The following FBXO4 variants were observed in gnomAD, a reference collection of about 807,000 sequenced individuals.
FBXO4 encodes the protein F-box only protein 4.
Under a neutral mutation model 43.7 loss-of-function variants are expected in FBXO4, and 36 were observed. The observed-to-expected ratio is 0.82, with a 90% CI of 0.63 to 1.09. FBXO4 has a LOEUF of 1.09. Among genes scored for constraint, FBXO4 ranks in the 50% least tolerant of loss-of-function variants. The pLI is 0.00. For missense variants in FBXO4, 435 were observed against 474.1 expected (o/e 0.92, Z 0.77); for synonymous variants, 180 against 165.6 (o/e 1.09, Z -0.67).
At chr5:41,942,886 CAA>C (rs770844982), downstream of FBXO4, among the ~76,000 whole-genome samples, 1 of 151,990 alleles carries the variant, frequency 6.6e-6, no homozygotes, top group Non-Finnish European at 1.5e-5. Context: ...TTATGGGTAA[CAA>C]AAGAGATTTT....
At chr5:41,944,486 A>G (rs1752048141), downstream of FBXO4, among the ~76,000 whole-genome samples, 2 of 152,204 alleles carry the variant, frequency 1.3e-5, no homozygotes, top group Admixed American at 6.5e-5. Flanking sequence ...GACACAGGAA[A>G]ACTTAGTGTT....
At chr5:42,035,976 CTA>C in the FBXO4 span, among the ~76,000 whole-genome samples, 1 of 152,066 alleles carries the variant, frequency 6.6e-6, no homozygotes, top group African/African-American at 2.4e-5. Context: ...GTTCTACCCA[CTA>C]TTAATTTTGT....
At chr5:41,929,951 C>A in intron 3 of FBXO4, 34 bp downstream of exon 3, 1 of 1,434,126 alleles carries the variant, frequency 7.0e-7, no homozygotes, top group Non-Finnish European at 9.6e-7. Flanking sequence ...TTAATTCAAA[C>A]ACTTTGAGCT....
At chr5:41,977,708 G>C in the FBXO4 span, among the ~76,000 whole-genome samples, 1 of 152,046 alleles carries the variant, frequency 6.6e-6, no homozygotes, top group East Asian at 1.9e-4. Flanking sequence ...CAAAGTGCTG[G>C]GATTACAGGC....
At chr5:41,974,304 C>G in the FBXO4 span, among the ~76,000 whole-genome samples, 1 of 152,100 alleles carries the variant, frequency 6.6e-6, no homozygotes, top group Non-Finnish European at 1.5e-5. Flanking sequence ...TCAAGTATTT[C>G]TGTTGCCTTT....
At chr5:41,949,893 C>A in the FBXO4 span, among the ~76,000 whole-genome samples, 3 of 151,784 alleles carry the variant, frequency 2.0e-5, no homozygotes, top group Admixed American at 6.6e-5. Context: ...CAGAACAGAG[C>A]CCTCAGAAAT....
the FBXO4 span, among the ~76,000 whole-genome samples, chr5:41,994,125 A>G: frequency 6.6e-6 from 1 of 152,318 alleles, no homozygotes; most frequent in Non-Finnish European, 1.5e-5. Context: ...GGACAATAAT[A>G]AGGTCATAAT....
chr5:41,976,826 C>T, the FBXO4 span, among the ~76,000 whole-genome samples: 4 of 152,210 alleles, frequency 2.6e-5, no homozygotes, highest in African/African-American at 9.6e-5. Flanking sequence ...GGCTCCAGCT[C>T]CACATTTCCT....
chr5:42,035,458 G>A, the FBXO4 span, among the ~76,000 whole-genome samples: 1 of 152,044 alleles, frequency 6.6e-6, no homozygotes, highest in African/African-American at 2.4e-5. Context: ...CTTATCAGAA[G>A]CATTTTTAAA....
At chr5:41,939,003 TG>T (rs1751925442) in intron 5 of FBXO4, among the ~76,000 whole-genome samples, 1 of 152,216 alleles carries the variant, frequency 6.6e-6, no homozygotes, top group Admixed American at 6.5e-5. Context: ...AGCCTAATCA[TG>T]GGAGTGATGC....
chr5:41,952,909 C>G, the FBXO4 span, among the ~76,000 whole-genome samples: 1 of 151,210 alleles, frequency 6.6e-6, no homozygotes, highest in East Asian at 1.9e-4. Context: ...AAAGTTTTTC[C>G]TCTCATTAAT....
chr5:41,989,310 T>C, the FBXO4 span, among the ~76,000 whole-genome samples: 2 of 152,146 alleles, frequency 1.3e-5, no homozygotes, highest in Admixed American at 6.5e-5. Context: ...TAAACATATA[T>C]ATATAATTAA....
intron 1 of FBXO4, among the ~76,000 whole-genome samples, chr5:41,925,765 G>C (rs1393725972): frequency 6.6e-6 from 1 of 152,120 alleles, no homozygotes; most frequent in Non-Finnish European, 1.5e-5. Context: ...TCGCCCTCAG[G>C]TTTTCCACCC....
chr5:41,958,461 A>G, the FBXO4 span, among the ~76,000 whole-genome samples: 1 of 152,198 alleles, frequency 6.6e-6, no homozygotes, highest in Non-Finnish European at 1.5e-5. Context: ...ATAAGTTGTT[A>G]TTAATTGTAG....
chr5:41,992,488 A>C, the FBXO4 span, among the ~76,000 whole-genome samples: 5 of 152,322 alleles, frequency 3.3e-5, no homozygotes, highest in East Asian at 3.9e-4. Flanking sequence ...CAGAAGAAGA[A>C]GAGTGGGGTC....
At chr5:41,968,329 C>T in the FBXO4 span, 202 of 154,842 alleles carry the variant, frequency 1.3e-3, 4 homozygotes, top group East Asian at 0.033. Context: ...CTGGATCAGC[C>T]GGCGACCAAC....
At chr5:42,035,067 A>T in the FBXO4 span, among the ~76,000 whole-genome samples, 1 of 151,368 alleles carries the variant, frequency 6.6e-6, no homozygotes, top group African/African-American at 2.4e-5. Flanking sequence ...TAGGTATTTT[A>T]TTCTCTTTGT....
the FBXO4 span, among the ~76,000 whole-genome samples, chr5:42,030,146 C>T: frequency 2.0e-5 from 3 of 152,076 alleles, no homozygotes; most frequent in African/African-American, 7.2e-5. Flanking sequence ...CCCACATCGC[C>T]AAGTCAATCC....
the FBXO4 span, chr5:41,967,811 C>G: frequency 3.1e-5 from 19 of 610,014 alleles, no homozygotes; most frequent in African/African-American, 9.1e-5. Flanking sequence ...AGGAGGCCAT[C>G]TACATTACCA....
Sources: gnomAD v4.1 joint callset for allele counts (sites outside exome capture counted in the v4.1 genomes callset) on GRCh38, gnomAD v4.1.1 for gene constraint, MANE v1.5 for transcripts, NCBI Gene and HGNC (gene_info 2026-07-23, HGNC 2026-07-21) for gene names.